Variants in PPIL4 observed in about 807,000 individuals in gnomAD.
PPIL4 encodes the protein peptidyl-prolyl cis-trans isomerase-like 4.
PPIL4 carries 50 observed loss-of-function variants against 69.1 expected under a neutral mutation model. The observed-to-expected ratio is 0.72, with a 90% confidence interval of 0.58 to 0.92. PPIL4 has a LOEUF of 0.92. Among genes scored for constraint, PPIL4 ranks in the 40% least tolerant of loss-of-function variants. The pLI is 0.00. For synonymous variants in PPIL4, 193 were observed against 191.6 expected (o/e 1.01, Z -0.06); for missense variants, 480 against 587.9 (o/e 0.82, Z 1.90).
intron 12 of PPIL4, among the ~76,000 whole-genome samples, chr6:149,506,209 T>G (rs185179031): frequency 1.3e-5 from 2 of 152,316 alleles, no homozygotes; most frequent in African/African-American, 4.8e-5. Flanking sequence ...CTGGATGCGG[T>G]GGCTCACGTC....
At chr6:149,534,977 ATTACT>A (rs1318901789) in intron 5 of PPIL4, among the ~76,000 whole-genome samples, 1 of 152,234 alleles carries the variant, frequency 6.6e-6, no homozygotes. Context: ...ATCACCCTGC[ATTACT>A]TTAAGATGTA....
intron 11 of PPIL4, 24 bp from the exon 12 acceptor site, chr6:149,512,326 A>G (rs1447456211): frequency 1.3e-6 from 2 of 1,573,646 alleles, no homozygotes; most frequent in Non-Finnish European, 1.7e-6. Flanking sequence ...TTAAGGATAA[A>G]TGTGATAAAT....
chr6:149,540,354 C>T (rs985791134), intron 4 of PPIL4, among the ~76,000 whole-genome samples: 50 of 152,116 alleles, frequency 3.3e-4, no homozygotes, highest in African/African-American at 1.1e-3. Context: ...CGGTGGCTCA[C>T]GCCTGTAATC....
intron 4 of PPIL4, among the ~76,000 whole-genome samples, chr6:149,539,474 C>A (rs1269570567): frequency 6.6e-6 from 1 of 152,150 alleles, no homozygotes; most frequent in East Asian, 1.9e-4. Context: ...ACCTCCTGGG[C>A]TCTAGTGATC....
chr6:149,534,365 C>T lies in PPIL4; in HGVS notation c.561+313G>A, dbSNP rs561527510. On this transcript the variant is annotated intron_variant, in intron 6 of 12. Transcript: ENST00000253329. Reference sequence around the variant, plus strand: ...TTCTAGCCTGGCTCCAGAGTGTCCCCAGTTGAAAAGTTACCTCACAAGATA... The same window carrying T: ...TTCTAGCCTGGCTCCAGAGTGTCCCTAGTTGAAAAGTTACCTCACAAGATA... Among the ~76,000 whole-genome samples the T allele has an allele frequency of 3.9e-5, 6 of 152,222 alleles. No homozygotes were observed. In the South Asian group the frequency reaches 1.2e-3, roughly 32 times the overall value.
At chr6:149,538,803 G>A (rs189989493) in intron 4 of PPIL4, among the ~76,000 whole-genome samples, 4 of 152,128 alleles carry the variant, frequency 2.6e-5, no homozygotes, top group African/African-American at 9.6e-5. Flanking sequence ...AACCTGACCA[G>A]ATATGGAGCT....
rs147540689 is a variant in PPIL4 at position 149,538,826 on chromosome 6, TGA to T, written c.321+2114_321+2115del. On this transcript the variant is annotated intron_variant, in intron 4 of 12. Transcript: ENST00000253329. ...CAGATATGGAGCTCCTTCTTAAGGA[TGA>T]GCAAACAAAGTGGTTTTCTTCCTTT... Among the ~76,000 whole-genome samples, 1,149 of 151,578 alleles carry T rather than the reference TGA, an allele frequency of 7.6e-3. 16 individuals carry two copies. Among genetic ancestry groups the T allele is most frequent in the African/African-American group, 0.026 (1,062 of 41,406 alleles).
chr6:149,508,412 CT>C (rs1340579945), intron 12 of PPIL4, among the ~76,000 whole-genome samples: 2 of 152,022 alleles, frequency 1.3e-5, no homozygotes, highest in African/African-American at 4.8e-5. Flanking sequence ...GATGATTAAA[CT>C]ACCATGTGGC....
rs538766695 is a variant in PPIL4 at position 149,542,343 on chromosome 6, T to C, written c.71-757A>G. Among the ~76,000 whole-genome samples the C allele has an allele frequency of 2.6e-5, 4 of 152,334 alleles. No homozygotes were observed. The East Asian group carries it at 5.8e-4, about 22-fold the overall frequency. On this transcript the variant is annotated intron_variant, in intron 1 of 12. Transcript: ENST00000253329. ...AAAATCCATACACTTATGAACAACC[T>C]TTCTCATACAAGTTAATCTGCTTAT...
At chr6:149,520,298 T>C (rs1777009451) in intron 10 of PPIL4, among the ~76,000 whole-genome samples, 1 of 152,126 alleles carries the variant, frequency 6.6e-6, no homozygotes. Context: ...ATGGTTACCC[T>C]GGAAGAGAAA....
At chr6:149,539,763 G>A (rs1392672728) in intron 4 of PPIL4, among the ~76,000 whole-genome samples, 2 of 152,138 alleles carry the variant, frequency 1.3e-5, no homozygotes, top group Non-Finnish European at 2.9e-5. Flanking sequence ...TCAACATCAA[G>A]GCAAGACCCT....
At chr6:149,509,348 C>G (rs933608715) in intron 12 of PPIL4, among the ~76,000 whole-genome samples, 2 of 152,104 alleles carry the variant, frequency 1.3e-5, no homozygotes, top group African/African-American at 4.8e-5. Context: ...AAAAACACAA[C>G]CAGTCTGAAA....
intron 1 of PPIL4, among the ~76,000 whole-genome samples, chr6:149,544,965 C>T (rs145587709): frequency 6.6e-5 from 10 of 152,288 alleles, no homozygotes; most frequent in African/African-American, 2.2e-4. Context: ...GACTCTGATA[C>T]ATTCTCCACA....
intron 12 of PPIL4, among the ~76,000 whole-genome samples, chr6:149,511,494 C>T (rs1323814024): frequency 6.6e-6 from 1 of 151,890 alleles, no homozygotes; most frequent in African/African-American, 2.4e-5. Flanking sequence ...AGGCTGGTCT[C>T]CAACTCTTAA....
In PPIL4 at chr6:149,545,920, G is replaced by C. The variant is rs1395229386; in HGVS notation, c.70+16C>G. 5 of 1,574,848 alleles carry C rather than the reference G, an allele frequency of 3.2e-6. No individual in the cohort carries two copies. In the South Asian group the frequency reaches 5.8e-5, roughly 18 times the overall value. ...TCGGGGGCCCCGGCGACAGGTGAGT[G>C]GGGCTCAAGCCTCACCACGCGGCCG... On this transcript the variant is annotated intron_variant, in intron 1 of 12. Transcript: ENST00000253329.
chr6:149,509,872 G>A (rs1391290803), intron 12 of PPIL4, among the ~76,000 whole-genome samples: 1 of 152,118 alleles, frequency 6.6e-6, no homozygotes. Flanking sequence ...GGGGATAAAA[G>A]AACCCACCTT....
intron 12 of PPIL4, among the ~76,000 whole-genome samples, chr6:149,508,609 A>C (rs1399668600): frequency 6.6e-6 from 1 of 152,208 alleles, no homozygotes; most frequent in Non-Finnish European, 1.5e-5. Flanking sequence ...AAATCACTAA[A>C]ATGACAGAAA....
Position 149,526,600 on chromosome 6 carries a change from CAACT to C in PPIL4, c.803+48_803+51del, listed in dbSNP as rs1428697363. 4.6e-6 allele frequency: 7 copies of C among 1,519,676 alleles called. No homozygotes were observed. The African/African-American group carries it at 5.6e-5, about 12-fold the overall frequency. The allele number at this position is 1,519,676 out of a possible 1,614,324, so 94.1% of individuals were successfully genotyped here. A position where few individuals can be genotyped will look rare whatever the true frequency, so the allele number is the denominator to read the frequency against. ...TCAAAATATGTCATTAGAAAACCAC[CAACT>C]GATACCTAGTTTTTCTAAATATCTC... On this transcript the variant is annotated intron_variant, in intron 8 of 12. Coordinates refer to ENST00000253329, the MANE Select transcript of PPIL4 (RefSeq NM_139126.4).
intron 4 of PPIL4, 95 bp from the exon 5 acceptor site, chr6:149,535,833 G>A: frequency 1.2e-5 from 10 of 828,220 alleles, no homozygotes; most frequent in South Asian, 2.1e-5. Context: ...TGAAAGTTAA[G>A]AGTCCACATT....
Sources: gnomAD v4.1 joint callset for allele counts (sites outside exome capture counted in the v4.1 genomes callset) on GRCh38, gnomAD v4.1.1 for gene constraint, MANE v1.5 for transcripts, NCBI Gene and HGNC (gene_info 2026-07-23, HGNC 2026-07-21) for gene names.